BCAS3: variants seen among roughly 807,000 people sequenced by gnomAD.
The protein encoded by BCAS3 is BCAS4/BCAS3 fusion.
A neutral mutation model predicts 116.1 loss-of-function variants in BCAS3; 53 were observed. The ratio of observed to expected loss-of-function variants is 0.46; its 90% CI spans 0.37 to 0.57. BCAS3 has a LOEUF of 0.57. Ranked by LOEUF, BCAS3 falls within the 20% of genes least tolerant of loss-of-function variation. BCAS3 has a pLI of 0.00. For missense variants in BCAS3, 917 were observed against 1,165.4 expected (o/e 0.79, Z 3.10); for synonymous variants, 391 against 408.2 (o/e 0.96, Z 0.51).
intron 5 of BCAS3, among the ~76,000 whole-genome samples, chr17:60,716,355 T>C (rs1233571943): frequency 1.3e-5 from 2 of 152,168 alleles, no homozygotes; most frequent in Admixed American, 6.5e-5. Flanking sequence ...AAGTGACATA[T>C]AAGCTAAAAA....
chr17:61,193,952 A>G (rs1037352506), intron 22 of BCAS3, among the ~76,000 whole-genome samples: 3 of 151,194 alleles, frequency 2.0e-5, no homozygotes, highest in Admixed American at 2.0e-4. Flanking sequence ...CCCCGTCTAT[A>G]CTAAAAACAC....
Position 61,376,153 on chromosome 17 carries a change from A to G in BCAS3, c.2593+7659A>G, listed in dbSNP as rs2059328897. Reference sequence around the variant, plus strand: ...AGGAACTGACAGTGTTGCCCCAGAAAGCTGGAGAAGTGACATTTACATGTG... The same window carrying G: ...AGGAACTGACAGTGTTGCCCCAGAAGGCTGGAGAAGTGACATTTACATGTG... On this transcript the variant is annotated intron_variant, in intron 23 of 23. Transcript: ENST00000407086. This position sits in a 1 kb window ranked among gnomAD's most constrained non-coding sequence, Gnocchi z 4.5. Among the ~76,000 whole-genome samples the G allele has an allele frequency of 1.3e-5, 2 of 152,170 alleles. No individual in the cohort carries two copies. Among genetic ancestry groups the G allele is most frequent in the African/African-American group, 4.8e-5 (2 of 41,448 alleles).
In BCAS3 at chr17:61,198,387, G is replaced by A. The variant is rs375196252; in HGVS notation, c.2425+113823G>A. Among the ~76,000 whole-genome samples the A allele has an allele frequency of 3.3e-5, 5 of 152,076 alleles. No individual in the cohort carries two copies. Among genetic ancestry groups the A allele is most frequent in the Non-Finnish European group, 7.4e-5 (5 of 68,010 alleles). On this transcript the variant is annotated intron_variant, in intron 22 of 23. Transcript: ENST00000407086. The surrounding 1 kb of genome is among the most constrained non-coding windows in gnomAD (Gnocchi z 5.0). ...GATCTCCTGACCTCGTGATCCACCC[G>A]CCTCGGACTCCCAAAGTGCTGGGAT...
intron 19 of BCAS3, among the ~76,000 whole-genome samples, chr17:61,074,702 G>A (rs569502790): frequency 6.6e-6 from 1 of 152,254 alleles, no homozygotes; most frequent in East Asian, 1.9e-4. Flanking sequence ...TTTATTGCAA[G>A]AAGATGGCAT....
intron 5 of BCAS3, among the ~76,000 whole-genome samples, chr17:60,742,940 C>T (rs553413477): frequency 1.5e-3 from 230 of 151,236 alleles, no homozygotes; most frequent in Non-Finnish European, 2.6e-3. Flanking sequence ...AGTGAAACCC[C>T]GTCTCTACTA....
intron 22 of BCAS3, among the ~76,000 whole-genome samples, chr17:61,331,061 GTA>G (rs2056239462): frequency 6.6e-6 from 1 of 152,222 alleles, no homozygotes; most frequent in African/African-American, 2.4e-5. Context: ...GGTGCTTTCC[GTA>G]GGGGTGAGAA....
intron 19 of BCAS3, among the ~76,000 whole-genome samples, chr17:61,055,968 G>T (rs2143246710): frequency 6.6e-6 from 1 of 152,274 alleles, no homozygotes; most frequent in African/African-American, 2.4e-5. Context: ...GCTCAGGATG[G>T]CTCTGGAGGT....
At position 61,337,711 on chromosome 17, in the gene BCAS3, C is replaced by T. The variant is rs1415546914; in HGVS notation, c.2426-30616C>T. On this transcript the variant is annotated intron_variant, in intron 22 of 23. Transcript: ENST00000407086. The surrounding 1 kb of genome is among the most constrained non-coding windows in gnomAD (Gnocchi z 4.8). ...CTTTTTGCGCTCACCCCTTAAAGGT[C>T]GTTTCTGATCTACTCCCTCTCCTCT... Among the ~76,000 whole-genome samples the T allele has an allele frequency of 5.9e-5, 9 of 151,872 alleles. No homozygotes were observed. Among genetic ancestry groups the T allele is most frequent in the Admixed American group, 4.6e-4 (7 of 15,232 alleles).
intron 15 of BCAS3, among the ~76,000 whole-genome samples, chr17:61,006,364 C>G (rs951115374): frequency 5.9e-5 from 9 of 152,048 alleles, no homozygotes; most frequent in Non-Finnish European, 8.8e-5. Context: ...TATATTTCAT[C>G]TTCCTACAAA....
At chr17:60,920,594 G>A (rs1308596512) in intron 12 of BCAS3, among the ~76,000 whole-genome samples, 6 of 152,094 alleles carry the variant, frequency 3.9e-5, no homozygotes, top group Non-Finnish European at 7.4e-5. Context: ...AAACTGGCTG[G>A]GCCTGGTGGC....
intron 22 of BCAS3, among the ~76,000 whole-genome samples, chr17:61,096,868 C>T (rs2074007962): frequency 6.6e-6 from 1 of 152,024 alleles, no homozygotes; most frequent in Non-Finnish European, 1.5e-5. Flanking sequence ...GAGAAAAATA[C>T]TGAAATAAAA....
intron 15 of BCAS3, among the ~76,000 whole-genome samples, chr17:61,011,183 G>A (rs1239415806): frequency 6.6e-6 from 1 of 152,084 alleles, no homozygotes; most frequent in Non-Finnish European, 1.5e-5. Flanking sequence ...AGAAAGGTTA[G>A]TGAAGGTGAT....
chr17:61,067,740 A>AT (rs1555697138), intron 19 of BCAS3, among the ~76,000 whole-genome samples: 3,875 of 133,562 alleles, frequency 0.029, 74 homozygotes, highest in Admixed American at 0.061. Context: ...AAAAAAAAAA[A>AT]ATATATATAT....
intron 11 of BCAS3, among the ~76,000 whole-genome samples, chr17:60,903,245 A>G (rs923799575): frequency 2.6e-5 from 4 of 152,266 alleles, no homozygotes; most frequent in Non-Finnish European, 5.9e-5. Context: ...CTAAAAGACA[A>G]CATATAATAG....
chr17:61,121,666 T>C (rs1318639733), intron 22 of BCAS3, among the ~76,000 whole-genome samples: 1 of 152,272 alleles, frequency 6.6e-6, no homozygotes, highest in Non-Finnish European at 1.5e-5. Flanking sequence ...AATTTTCTTC[T>C]TTAAAGTTTT....
intron 15 of BCAS3, among the ~76,000 whole-genome samples, chr17:61,000,294 T>G (rs1436464662): frequency 1.3e-5 from 2 of 152,140 alleles, no homozygotes; most frequent in African/African-American, 4.8e-5. Context: ...CTTACTATTT[T>G]GAGTCTACTT....
At chr17:61,075,829 G>A (rs2143465474) in intron 20 of BCAS3, among the ~76,000 whole-genome samples, 1 of 152,230 alleles carries the variant, frequency 6.6e-6, no homozygotes, top group East Asian at 1.9e-4. Context: ...CCTTTCCTAA[G>A]CCCATGTAAT....
At chr17:60,757,326 AAT>A (rs1187936034) in intron 6 of BCAS3, among the ~76,000 whole-genome samples, 1,092 of 24,128 alleles carry the variant, frequency 0.045, 5 homozygotes, top group East Asian at 0.34. Context: ...AAAAAATAAT[AAT>A]AATAAATAAA....
In BCAS3 at chr17:61,082,677, C is replaced by T. The variant is rs1167408533; in HGVS notation, c.2328-1790C>T. On this transcript the variant is annotated intron_variant, in intron 21 of 23. Transcript: ENST00000407086. The surrounding 1 kb of genome is among the most constrained non-coding windows in gnomAD (Gnocchi z 5.1). ...AGAACAAGGAAACTTCTTTTCCAGA[C>T]ACTTTAAATAAACTTCTCTTTTCTA... Among the ~76,000 whole-genome samples, 6 of 152,324 alleles carry T rather than the reference C, an allele frequency of 3.9e-5. No individual in the cohort carries two copies. Among genetic ancestry groups the T allele is most frequent in the African/African-American group, 1.4e-4 (6 of 41,568 alleles).
Sources: gnomAD v4.1 joint callset for allele counts (sites outside exome capture counted in the v4.1 genomes callset) on GRCh38, gnomAD v4.1.1 for gene constraint, Gnocchi (gnomAD v3.1) non-coding constraint, MANE v1.5 for transcripts, NCBI Gene and HGNC (gene_info 2026-07-23, HGNC 2026-07-21) for gene names.